The following TACC1 variants were observed in gnomAD, a reference collection of about 807,000 sequenced individuals.
The protein encoded by TACC1 is transforming acidic coiled-coil-containing protein 1.
Under a neutral mutation model 84.4 loss-of-function variants are expected in TACC1, and 48 were observed. That is an observed-to-expected ratio of 0.57 (90% CI 0.45 to 0.72). TACC1 has a LOEUF of 0.72. Ranked by LOEUF, TACC1 falls within the 30% of genes least tolerant of loss-of-function variation. TACC1 has a pLI of 0.00. For missense variants in TACC1, 920 were observed against 973.0 expected (o/e 0.95, Z 0.72); for synonymous variants, 372 against 376.3 (o/e 0.99, Z 0.13).
At chr8:38,842,556 GA>G in intron 10 of TACC1, 109 bp downstream of exon 10, 1 of 1,199,338 alleles carries the variant, frequency 8.3e-7, no homozygotes, top group Non-Finnish European at 1.2e-6. Context: ...TTTTAAATAG[GA>G]GCTCAGGGCC....
intron 1 of TACC1, among the ~76,000 whole-genome samples, chr8:38,734,823 C>G (rs1415028918): frequency 6.6e-6 from 1 of 152,272 alleles, no homozygotes; most frequent in East Asian, 1.9e-4. Context: ...GCAAGGGTGC[C>G]TGCGGCCTGC....
intron 4 of TACC1, among the ~76,000 whole-genome samples, chr8:38,826,596 C>T (rs1286710972): frequency 6.6e-6 from 1 of 152,032 alleles, no homozygotes; most frequent in Non-Finnish European, 1.5e-5. Context: ...AGATGTTTTT[C>T]ATTTGGATAG....
intron 3 of TACC1, among the ~76,000 whole-genome samples, chr8:38,774,904 G>A (rs187851556): frequency 1.2e-3 from 180 of 151,690 alleles, no homozygotes; most frequent in Non-Finnish European, 2.1e-3. Context: ...CCAGCTACTC[G>A]GGAGGCTGAA....
At chr8:38,805,493 G>A (rs910538042) in intron 2 of TACC1, 2 of 152,358 alleles carry the variant, frequency 1.3e-5, no homozygotes, top group African/African-American at 2.4e-5. Flanking sequence ...CCTATGAGGC[G>A]GTGGTAGGGC....
chr8:38,781,076 C>T (rs944534984), intron 3 of TACC1, among the ~76,000 whole-genome samples: 1 of 152,118 alleles, frequency 6.6e-6, no homozygotes, highest in Non-Finnish European at 1.5e-5. Flanking sequence ...TCTGGGTGGA[C>T]CTTTTCTCCC....
intron 3 of TACC1, among the ~76,000 whole-genome samples, chr8:38,755,914 A>C (rs892468893): frequency 6.6e-6 from 1 of 151,982 alleles, no homozygotes; most frequent in South Asian, 2.1e-4. Context: ...TCCTGGGTTC[A>C]AGCGATTCTC....
upstream of TACC1, chr8:38,787,083 CG>C (rs1381605684): frequency 4.2e-6 from 4 of 962,882 alleles, no homozygotes; most frequent in Non-Finnish European, 4.9e-6. Context: ...CGTGACGCCG[CG>C]GTAGGGGGAT....
chr8:38,847,873 C>A, intron 12 of TACC1, 82 bp from the exon 13 acceptor site: 2 of 1,158,430 alleles, frequency 1.7e-6, no homozygotes, highest in Non-Finnish European at 2.6e-6. Context: ...TAGGGTAGAT[C>A]CAGACTTGGG....
At chr8:38,834,960 A>G (rs887999813) in intron 6 of TACC1, among the ~76,000 whole-genome samples, 61 of 152,270 alleles carry the variant, frequency 4.0e-4, no homozygotes, top group African/African-American at 1.4e-3. Context: ...TTTATATAAA[A>G]AGTTTACTTC....
At chr8:38,780,633 T>C (rs1210322693) in intron 3 of TACC1, among the ~76,000 whole-genome samples, 3 of 151,560 alleles carry the variant, frequency 2.0e-5, no homozygotes, top group Non-Finnish European at 4.4e-5. Context: ...TTTTTTTTGT[T>C]TTTTTTTTAC....
At chr8:38,843,012 G>A (rs148458858) in intron 10 of TACC1, among the ~76,000 whole-genome samples, 1 of 152,222 alleles carries the variant, frequency 6.6e-6, no homozygotes, top group African/African-American at 2.4e-5. Flanking sequence ...TATGGAAATC[G>A]AATTGCCATT....
At chr8:38,764,981 C>A (rs1811950359) in intron 3 of TACC1, among the ~76,000 whole-genome samples, 1 of 151,974 alleles carries the variant, frequency 6.6e-6, no homozygotes, top group Non-Finnish European at 1.5e-5. Flanking sequence ...AGCCTATAAT[C>A]CCAGCTACTC....
chr8:38,785,061 T>A (rs1390996152), upstream of TACC1, among the ~76,000 whole-genome samples: 3 of 147,728 alleles, frequency 2.0e-5, no homozygotes, highest in Non-Finnish European at 4.5e-5. Flanking sequence ...ACAATGAGCC[T>A]GCTTCCCCCT....
chr8:38,757,320 C>G (rs1810280055), intron 3 of TACC1: 1 of 1,267,722 alleles, frequency 7.9e-7, no homozygotes, highest in African/African-American at 1.6e-5. Context: ...GCCCCGGCCC[C>G]AAGTTCTGCG....
At chr8:38,741,434 C>G (rs891373342) in intron 1 of TACC1, among the ~76,000 whole-genome samples, 1 of 152,184 alleles carries the variant, frequency 6.6e-6, no homozygotes, top group Non-Finnish European at 1.5e-5. Flanking sequence ...GCTGGGATTA[C>G]AGGCAGGAGC....
In TACC1 at chr8:38,820,002, C is replaced by T; in HGVS notation, c.758C>T (p.Ala253Val). Residue 253 changes from alanine (A) to valine (V), a missense_variant, in exon 3 of 13, where the codon GCT becomes GTT. By Grantham distance (64) the Ala-to-Val change is moderately conservative. Transcript: ENST00000317827. ...GGAGAGTTCTCAGACACCAACGCTG[C>T]TGTGGAGGGCACACCTCTCCCCAAG... ...IGGEFSDTNA[A>V]VEGTPLPKAS... 1 of 1,614,004 alleles carries T rather than the reference C, an allele frequency of 6.2e-7. No homozygotes were observed. Among genetic ancestry groups the T allele is most frequent in the African/African-American group, 1.3e-5 (1 of 75,042 alleles).
rs1826285015 is a variant in TACC1 at position 38,819,894 on chromosome 8, A to C, written c.650A>C (p.Asn217Thr). The C allele has an allele frequency of 6.2e-7, 1 of 1,613,878 alleles. No individual in the cohort carries two copies. The highest frequency in any genetic ancestry group is 1.3e-5 in the African/African-American group (1 of 74,900). Reference sequence around the variant, plus strand: ...GCAGAAGCTGATCTAAAAGCTGGCAACTCCTGTCCAGAGCTTGTGCCCAGC... The same window carrying C: ...GCAGAAGCTGATCTAAAAGCTGGCACCTCCTGTCCAGAGCTTGTGCCCAGC... ...ASAEADLKAG[N>T]SCPELVPSRR... The change falls in exon 3 of 13, where the codon AAC becomes ACC. Residue 217 changes from asparagine (N) to threonine (T), a missense_variant. Asn to Thr is a moderately conservative substitution (Grantham distance 65). Transcript: ENST00000317827.
At chr8:38,817,922 A>T (rs1402383651) in intron 2 of TACC1, among the ~76,000 whole-genome samples, 9 of 100,188 alleles carry the variant, frequency 9.0e-5, no homozygotes, top group African/African-American at 2.6e-4. Flanking sequence ...AGACCCCTAA[A>T]AAAAAAAAAA....
intron 2 of TACC1, among the ~76,000 whole-genome samples, chr8:38,791,443 T>C (rs1298239321): frequency 6.6e-6 from 1 of 152,202 alleles, no homozygotes; most frequent in African/African-American, 2.4e-5. Flanking sequence ...AACCTGGTCG[T>C]ACCCTGACTT....
Sources: allele counts gnomAD v4.1 joint callset (sites outside exome capture counted in the v4.1 genomes callset), GRCh38; gene constraint gnomAD v4.1.1; transcripts MANE v1.5; gene names NCBI Gene and HGNC (gene_info 2026-07-23, HGNC 2026-07-21).